RIMKLB: variants seen among roughly 807,000 people sequenced by gnomAD.
The protein encoded by RIMKLB is ribosomal modification protein rimK like family member B, also known as beta-citrylglutamate synthase B.
A neutral mutation model predicts 32.0 loss-of-function variants in RIMKLB; 7 were observed. That is an observed-to-expected ratio of 0.22 (90% CI 0.12 to 0.41). The LOEUF is 0.41. RIMKLB is among the 10% of genes least tolerant of loss of function. RIMKLB has a pLI of 1.00. For synonymous variants in RIMKLB, 172 were observed against 185.1 expected, an observed-to-expected ratio of 0.93 and a Z score of 0.57; for missense variants, 289 against 498.7, an observed-to-expected ratio of 0.58 and a Z score of 4.00.
chr12:8,727,344 C>T (rs1840361736), intron 2 of RIMKLB, among the ~76,000 whole-genome samples: 1 of 152,204 alleles, frequency 6.6e-6, no homozygotes. Flanking sequence ...ATGCATTTCT[C>T]TTGCCTCAGC....
chr12:8,715,228 C>CTTTTTTTTTTTTTTTTTTTTTT (rs61677474), intron 2 of RIMKLB, among the ~76,000 whole-genome samples: 3 of 123,760 alleles, frequency 2.4e-5, no homozygotes, highest in African/African-American at 9.9e-5. Flanking sequence ...TGCTCTTGTT[C>CTTTTTTTTTTTTTTTTTTTTTT]TTTTTTTTTT....
At chr12:8,749,805 T>TC in intron 2 of RIMKLB, 57 bp from the exon 3 acceptor site, 1 of 1,119,378 alleles carries the variant, frequency 8.9e-7, no homozygotes, top group African/African-American at 1.5e-5. Context: ...TTACTATTCC[T>TC]CTATTTTGTT....
chr12:8,764,785 G>A (rs1044203725), intron 5 of RIMKLB, among the ~76,000 whole-genome samples: 5 of 152,038 alleles, frequency 3.3e-5, no homozygotes, highest in Non-Finnish European at 7.4e-5. Context: ...GGGCATGGAC[G>A]AGGGGGCGGC....
At chr12:8,780,347 T>A (rs1315329509), downstream of RIMKLB, 3 of 149,778 alleles carry the variant, frequency 2.0e-5, no homozygotes, top group African/African-American at 5.1e-5. Flanking sequence ...CTTACCACTT[T>A]CTTTCTACTT....
In RIMKLB at chr12:8,775,282, A is replaced by T. The variant is rs1950665891; in HGVS notation, c.*1498A>T. Reference sequence around the variant, plus strand: ...GTAGTATTGAGTCTCTTATAGCCCTACTCTTAAGCCTTCAATACTGTCCAC... The same window carrying T: ...GTAGTATTGAGTCTCTTATAGCCCTTCTCTTAAGCCTTCAATACTGTCCAC... On this transcript the variant is annotated 3_prime_UTR_variant, in exon 6 of 6. Transcript: ENST00000535829. The T allele has an allele frequency of 1.0e-6, 1 of 985,096 alleles. No individual in the cohort carries two copies. 61.0% of individuals were successfully genotyped at this position (985,096 alleles called of 1,614,324 possible).
chr12:8,776,898 G>GTTA lies in RIMKLB; in HGVS notation c.*3114_*3115insTTA. The GTTA allele has an allele frequency of 1.0e-6, 1 of 985,806 alleles. No homozygotes were observed. The highest frequency in any genetic ancestry group is 1.2e-6 in the Non-Finnish European group (1 of 829,888). The allele number at this position is 985,806 out of a possible 1,614,324, so 61.1% of individuals were successfully genotyped here. A position where few individuals can be genotyped will look rare whatever the true frequency, so the allele number is the denominator to read the frequency against. ...TCTTTTTCTCAAGAAGAAAGCAATG[G>GTTA]AGAAGCAAATTTGTTTCATTCAGTG... On this transcript the variant is annotated 3_prime_UTR_variant, in exon 6 of 6. Transcript: ENST00000535829.
intron 5 of RIMKLB, among the ~76,000 whole-genome samples, chr12:8,761,687 A>C (rs948230219): frequency 1.3e-5 from 2 of 152,170 alleles, no homozygotes; most frequent in Non-Finnish European, 2.9e-5. Context: ...CACCTCTCCC[A>C]GCTAGGCTTA....
At chr12:8,733,900 T>C (rs936897038) in intron 2 of RIMKLB, among the ~76,000 whole-genome samples, 1 of 152,010 alleles carries the variant, frequency 6.6e-6, no homozygotes, top group African/African-American at 2.4e-5. Context: ...TAGGTGATTG[T>C]TAGATTGATC....
chr12:8,747,097 A>T (rs1481759239), intron 2 of RIMKLB, among the ~76,000 whole-genome samples: 1 of 152,178 alleles, frequency 6.6e-6, no homozygotes, highest in Non-Finnish European at 1.5e-5. Context: ...TGAGGAGTAT[A>T]TGGAAAATGC....
At chr12:8,768,823 A>G (rs749686582) in intron 5 of RIMKLB, among the ~76,000 whole-genome samples, 1 of 152,318 alleles carries the variant, frequency 6.6e-6, no homozygotes, top group African/African-American at 2.4e-5. Flanking sequence ...GTTTTTTGCC[A>G]AAGAGTTTTG....
chr12:8,720,373 A>G (rs1307320712), intron 2 of RIMKLB, among the ~76,000 whole-genome samples: 2 of 152,210 alleles, frequency 1.3e-5, no homozygotes, highest in Admixed American at 6.5e-5. Context: ...TTAGTGGTCA[A>G]CTAATATTTG....
rs1023855890 is a variant in RIMKLB at position 8,720,393 on chromosome 12, T to C, written c.175+6352T>C. Reference sequence around the variant, plus strand: ...GGTCAACTAATATTTGAGAAACTTTTATGTGCCAGATACTTTCCAGTGTAT... The same window carrying C: ...GGTCAACTAATATTTGAGAAACTTTCATGTGCCAGATACTTTCCAGTGTAT... On this transcript the variant is annotated intron_variant, in intron 2 of 5. Coordinates refer to ENST00000535829, the MANE Select transcript of RIMKLB (RefSeq NM_001297776.2). Among the ~76,000 whole-genome samples the C allele has an allele frequency of 4.6e-5, 7 of 152,350 alleles. No individual in the cohort carries two copies. In the South Asian group the frequency reaches 1.4e-3, roughly 32 times the overall value.
At chr12:8,779,931 A>G (rs1009047762), downstream of RIMKLB, 1 of 152,216 alleles carries the variant, frequency 6.6e-6, no homozygotes, top group East Asian at 1.9e-4. Context: ...ATGTGCATCT[A>G]TGGTCAGTCC....
At chr12:8,755,324 C>T (rs551065276) in intron 5 of RIMKLB, among the ~76,000 whole-genome samples, 3 of 151,420 alleles carry the variant, frequency 2.0e-5, no homozygotes, top group African/African-American at 7.3e-5. Context: ...TGGTTTCAAA[C>T]TCCTGGGCTC....
At chr12:8,732,074 G>C (rs1031094346) in intron 2 of RIMKLB, among the ~76,000 whole-genome samples, 3 of 151,730 alleles carry the variant, frequency 2.0e-5, no homozygotes, top group African/African-American at 7.3e-5. Context: ...TTGGTGTCTT[G>C]GGTCCCTTGG....
At chr12:8,716,431 CTTTT>C (rs11307521) in intron 2 of RIMKLB, among the ~76,000 whole-genome samples, 1 of 81,678 alleles carries the variant, frequency 1.2e-5, no homozygotes, top group Non-Finnish European at 2.4e-5. Context: ...ATTAACATGT[CTTTT>C]TTTTTTTTTT....
intron 2 of RIMKLB, among the ~76,000 whole-genome samples, chr12:8,720,178 A>ACT (rs1945294441): frequency 6.6e-6 from 1 of 152,246 alleles, no homozygotes; most frequent in African/African-American, 2.4e-5. Flanking sequence ...TAGAATATAG[A>ACT]ACATTAAGAC....
intron 2 of RIMKLB, among the ~76,000 whole-genome samples, chr12:8,727,628 C>T (rs1263185816): frequency 3.9e-5 from 6 of 152,102 alleles, no homozygotes; most frequent in South Asian, 2.1e-4. Context: ...TGTTTTTGGC[C>T]GGACCTTGTT....
At chr12:8,735,185 T>C (rs1010086867) in intron 2 of RIMKLB, among the ~76,000 whole-genome samples, 2 of 152,212 alleles carry the variant, frequency 1.3e-5, no homozygotes, top group African/African-American at 2.4e-5. Context: ...CTGTGGGGTA[T>C]TGCTGCCTAC....
Sources: gnomAD v4.1 joint callset for allele counts (sites outside exome capture counted in the v4.1 genomes callset) on GRCh38, gnomAD v4.1.1 for gene constraint, MANE v1.5 for transcripts, NCBI Gene and HGNC (gene_info 2026-07-23, HGNC 2026-07-21) for gene names.